LINGO1: variants seen among roughly 807,000 people sequenced by gnomAD.
LINGO1 encodes leucine rich repeat and Ig domain containing 1.
Under a neutral mutation model 37.3 loss-of-function variants are expected in LINGO1, and 11 were observed. The ratio of observed to expected loss-of-function variants is 0.29; its 90% CI spans 0.19 to 0.49. The LOEUF (loss-of-function observed/expected upper bound fraction) is 0.49, where lower values mean the gene tolerates loss of function less well. Ranked by LOEUF, LINGO1 falls within the 20% of genes least tolerant of loss-of-function variation. The pLI is 0.99. For synonymous variants in LINGO1, 387 were observed against 403.0 expected (o/e 0.96, Z 0.48); for missense variants, 585 against 878.2 (o/e 0.67, Z 4.22).
upstream of LINGO1, chr15:77,634,276 C>T (rs1220427025): frequency 4.4e-6 from 2 of 456,132 alleles, no homozygotes; most frequent in Admixed American, 2.3e-5. Flanking sequence ...TTGCACAGAC[C>T]TTCTGTTCCA....
At chr15:77,635,111 C>T (rs1305103850), upstream of LINGO1, among the ~76,000 whole-genome samples, 1 of 152,198 alleles carries the variant, frequency 6.6e-6, no homozygotes, top group Non-Finnish European at 1.5e-5. Flanking sequence ...TATTTTGGTG[C>T]CCACAATGAT....
intron 1 of LINGO1, among the ~76,000 whole-genome samples, chr15:77,804,478 C>G (rs372319709): frequency 7.9e-5 from 12 of 152,154 alleles, no homozygotes; most frequent in East Asian, 3.8e-4. Flanking sequence ...AGCTCCCCAT[C>G]GGGGAGGGCG....
At chr15:77,693,616 T>C (rs975471117) in intron 1 of LINGO1, among the ~76,000 whole-genome samples, 16 of 152,236 alleles carry the variant, frequency 1.1e-4, no homozygotes, top group African/African-American at 3.9e-4. Context: ...AAGAGTTCTC[T>C]GGAGCTGCCA....
intron 2 of LINGO1, among the ~76,000 whole-genome samples, chr15:77,703,081 C>G (rs2075804952): frequency 6.6e-6 from 1 of 152,148 alleles, no homozygotes; most frequent in African/African-American, 2.4e-5. Context: ...TTCAGATCCC[C>G]CAGCTGTGAA....
At chr15:77,687,370 C>A (rs549378097) in intron 2 of LINGO1, among the ~76,000 whole-genome samples, 1 of 152,076 alleles carries the variant, frequency 6.6e-6, no homozygotes, top group Non-Finnish European at 1.5e-5. Flanking sequence ...CATTTTCTGT[C>A]CCCCCCTGTG....
At chr15:77,713,841 C>T (rs1434632548) in intron 2 of LINGO1, among the ~76,000 whole-genome samples, 9 of 152,058 alleles carry the variant, frequency 5.9e-5, no homozygotes, top group East Asian at 3.9e-4. Flanking sequence ...TGGCTTTCCT[C>T]GCACCCCCTA....
intron 1 of LINGO1, among the ~76,000 whole-genome samples, chr15:77,777,178 G>C (rs1208110719): frequency 6.6e-6 from 1 of 152,150 alleles, no homozygotes; most frequent in Non-Finnish European, 1.5e-5. Context: ...CAATTACAGG[G>C]GATAGTGAGG....
intron 2 of LINGO1, among the ~76,000 whole-genome samples, chr15:77,677,731 C>T (rs2075351787): frequency 6.6e-6 from 1 of 152,110 alleles, no homozygotes; most frequent in Non-Finnish European, 1.5e-5. Context: ...CTCTCAGTGA[C>T]ACCCCGATCC....
intron 2 of LINGO1, among the ~76,000 whole-genome samples, chr15:77,715,467 C>A (rs539007730): frequency 6.6e-6 from 1 of 152,328 alleles, no homozygotes; most frequent in South Asian, 2.1e-4. Flanking sequence ...ATTTTAGGAA[C>A]AGAGTCTCCA....
intron 3 of LINGO1, among the ~76,000 whole-genome samples, chr15:77,643,892 A>G (rs1388281787): frequency 1.3e-5 from 2 of 152,162 alleles, no homozygotes; most frequent in South Asian, 2.1e-4. Context: ...GCAATGGCTC[A>G]AGGACCTCCT....
At chr15:77,622,694 G>A (rs1008150046) in intron 1 of LINGO1, among the ~76,000 whole-genome samples, 1 of 152,234 alleles carries the variant, frequency 6.6e-6, no homozygotes, top group Admixed American at 6.5e-5. Flanking sequence ...GATAACTGGG[G>A]TCAAGTGGCC....
chr15:77,751,099 G>A (rs1290971834), intron 1 of LINGO1, among the ~76,000 whole-genome samples: 2 of 152,240 alleles, frequency 1.3e-5, no homozygotes, highest in African/African-American at 2.4e-5. Context: ...GGCACAGAGT[G>A]GGCACACCAC....
At chr15:77,738,351 T>C (rs1305505361) in intron 1 of LINGO1, among the ~76,000 whole-genome samples, 1 of 152,128 alleles carries the variant, frequency 6.6e-6, no homozygotes, top group African/African-American at 2.4e-5. Context: ...TCCAAAGCCT[T>C]CGAGGCCCTG....
At chr15:77,633,763 G>A (rs1292821998), upstream of LINGO1, among the ~76,000 whole-genome samples, 5 of 152,170 alleles carry the variant, frequency 3.3e-5, no homozygotes, top group Non-Finnish European at 7.4e-5. Context: ...ACTTCAGACG[G>A]GCCCAAGGAA....
At chr15:77,762,821 C>CTTTGGG (rs2141386287) in intron 1 of LINGO1, among the ~76,000 whole-genome samples, 1 of 152,284 alleles carries the variant, frequency 6.6e-6, no homozygotes, top group Non-Finnish European at 1.5e-5. Flanking sequence ...AGCAGCCCCC[C>CTTTGGG]ACACCTCTTC....
intron 2 of LINGO1, among the ~76,000 whole-genome samples, chr15:77,717,497 C>T (rs2075998634): frequency 6.6e-6 from 1 of 150,816 alleles, no homozygotes; most frequent in East Asian, 2.1e-4. Flanking sequence ...TGCCCAAAAG[C>T]CCTCCACTGG....
intron 2 of LINGO1, among the ~76,000 whole-genome samples, chr15:77,687,444 G>T (rs148682752): frequency 1.1e-3 from 167 of 152,264 alleles, no homozygotes; most frequent in African/African-American, 4.0e-3. Flanking sequence ...CTGTCCCCCA[G>T]GGGCCAGGGC....
upstream of LINGO1, chr15:77,788,057 G>T (rs1333068812): frequency 6.6e-6 from 1 of 152,160 alleles, no homozygotes; most frequent in Non-Finnish European, 1.5e-5. Flanking sequence ...CTGTGAGAAG[G>T]CTCCTGCCTC....
At chr15:77,724,202 C>T (rs2076079888) in intron 2 of LINGO1, among the ~76,000 whole-genome samples, 1 of 152,220 alleles carries the variant, frequency 6.6e-6, no homozygotes, top group Non-Finnish European at 1.5e-5. Context: ...ACCCCCATCC[C>T]AGCACATACC....
Sources: gnomAD v4.1 joint callset for allele counts (sites outside exome capture counted in the v4.1 genomes callset) on GRCh38, gnomAD v4.1.1 for gene constraint, MANE v1.5 for transcripts, NCBI Gene and HGNC (gene_info 2026-07-23, HGNC 2026-07-21) for gene names.